Variants in PRKAR2B observed in about 807,000 individuals in gnomAD.
PRKAR2B encodes the protein cAMP-dependent protein kinase type II-beta regulatory subunit.
In PRKAR2B, 14 loss-of-function variants were observed where a neutral mutation model predicts 49.9. The ratio of observed to expected loss-of-function variants is 0.28; its 90% CI spans 0.19 to 0.44. PRKAR2B has a LOEUF of 0.44. PRKAR2B is among the 20% of genes least tolerant of loss of function. The pLI is 1.00. For missense variants in PRKAR2B, 393 were observed against 537.9 expected (o/e 0.73, Z 2.67); for synonymous variants, 196 against 197.7 (o/e 0.99, Z 0.07).
At chr7:107,153,691 A>G (rs1306262695) in intron 8 of PRKAR2B, among the ~76,000 whole-genome samples, 1 of 152,204 alleles carries the variant, frequency 6.6e-6, no homozygotes, top group East Asian at 1.9e-4. Flanking sequence ...CCAAGACTAC[A>G]TGTGGGTCAA....
At chr7:107,134,925 G>A (rs956724774) in intron 4 of PRKAR2B, among the ~76,000 whole-genome samples, 11 of 152,092 alleles carry the variant, frequency 7.2e-5, no homozygotes, top group Non-Finnish European at 1.0e-4. Flanking sequence ...CTTAGATTTA[G>A]CATTGGACTC....
intron 4 of PRKAR2B, chr7:107,129,036 C>T (rs996911641): frequency 6.6e-6 from 1 of 152,054 alleles, no homozygotes; most frequent in Admixed American, 6.6e-5. Flanking sequence ...TAACTTACCT[C>T]GACTTTTTTA....
intron 2 of PRKAR2B, among the ~76,000 whole-genome samples, chr7:107,117,518 T>C (rs972603606): frequency 1.3e-5 from 2 of 152,162 alleles, no homozygotes; most frequent in Non-Finnish European, 2.9e-5. Flanking sequence ...ACTGAGCGTC[T>C]AGAGTGTGCA....
intron 1 of PRKAR2B, among the ~76,000 whole-genome samples, chr7:107,065,332 G>A (rs1218149395): frequency 0.12 from 2,578 of 22,120 alleles, 93 homozygotes; most frequent in African/African-American, 0.4. Flanking sequence ...ATGTGTGTGT[G>A]TGTGTGTGTG....
At chr7:107,133,317 A>G (rs77555983) in intron 4 of PRKAR2B, among the ~76,000 whole-genome samples, 2,551 of 152,298 alleles carry the variant, frequency 0.017, 71 homozygotes, top group African/African-American at 0.057. Flanking sequence ...AAATGCAGCT[A>G]ATTCCAACAT....
chr7:107,072,130 G>A (rs969262914), intron 2 of PRKAR2B, among the ~76,000 whole-genome samples: 1 of 149,882 alleles, frequency 6.7e-6, no homozygotes, highest in Non-Finnish European at 1.5e-5. Context: ...TAATTGTAGA[G>A]ATGATGTAAT....
rs1353564965 is a variant in PRKAR2B, at chr7:107,044,934, G to C, written c.27G>C (p.Leu9=). The change falls in exon 1 of 11, where the codon CTG becomes CTC. Residue 9 remains leucine (L), a synonymous_variant. Coordinates refer to ENST00000265717, the MANE Select transcript of PRKAR2B (RefSeq NM_002736.3). MSIEIPAG[L]TELLQGFTVE... is the part of the protein sequence containing the mutation. The stretch of plus-strand genomic sequence containing the variant: ...TGAGCATCGAGATCCCGGCGGGACT[G>C]ACGGAGCTGCTGCAGGGCTTCACGG... 1.6e-5 allele frequency: 25 copies of C among 1,599,718 alleles called. No individual in the cohort carries two copies. The highest frequency in any genetic ancestry group is 2.1e-5 in the Non-Finnish European group (25 of 1,175,376).
chr7:107,055,448 A>G (rs566491189), intron 1 of PRKAR2B, among the ~76,000 whole-genome samples: 110 of 152,164 alleles, frequency 7.2e-4, no homozygotes, highest in Non-Finnish European at 1.1e-3. Context: ...AAGTGTTCCT[A>G]TTTCTCCACA....
At chr7:107,139,428 A>G (rs1388015562) in intron 4 of PRKAR2B, among the ~76,000 whole-genome samples, 1 of 152,188 alleles carries the variant, frequency 6.6e-6, no homozygotes, top group East Asian at 1.9e-4. Flanking sequence ...GAGGGTCCAC[A>G]TTTGGCTGCT....
intron 1 of PRKAR2B, among the ~76,000 whole-genome samples, chr7:107,049,844 A>G (rs376903198): frequency 3.3e-5 from 5 of 152,214 alleles, no homozygotes; most frequent in East Asian, 1.9e-4. Context: ...AGAGATTTAC[A>G]TGGTGGTTTT....
At chr7:107,050,822 C>T (rs1295967964) in intron 1 of PRKAR2B, among the ~76,000 whole-genome samples, 1 of 152,090 alleles carries the variant, frequency 6.6e-6, no homozygotes, top group African/African-American at 2.4e-5. Flanking sequence ...AGAAATGATT[C>T]GTCTTACATT....
At chr7:107,058,389 A>G (rs1176199514) in intron 1 of PRKAR2B, among the ~76,000 whole-genome samples, 1 of 152,220 alleles carries the variant, frequency 6.6e-6, no homozygotes, top group African/African-American at 2.4e-5. Context: ...TAATATTTAT[A>G]AAAGTAAGCT....
intron 10 of PRKAR2B, among the ~76,000 whole-genome samples, chr7:107,158,951 A>G (rs1432739160): frequency 6.6e-6 from 1 of 152,230 alleles, no homozygotes; most frequent in African/African-American, 2.4e-5. Context: ...GAAGTAAACA[A>G]AAGCATTATG....
At chr7:107,144,983 T>C (rs1795863643) in intron 5 of PRKAR2B, among the ~76,000 whole-genome samples, 1 of 152,088 alleles carries the variant, frequency 6.6e-6, no homozygotes, top group Non-Finnish European at 1.5e-5. Context: ...TACGTGAATA[T>C]AGGGTCTGGG....
At chr7:107,096,346 G>T (rs955241530) in intron 2 of PRKAR2B, among the ~76,000 whole-genome samples, 6 of 152,224 alleles carry the variant, frequency 3.9e-5, no homozygotes, top group African/African-American at 1.4e-4. Context: ...GATCGGTGGT[G>T]ATATCCCCTT....
At chr7:107,113,825 C>T (rs542361211) in intron 2 of PRKAR2B, among the ~76,000 whole-genome samples, 2 of 152,188 alleles carry the variant, frequency 1.3e-5, no homozygotes, top group African/African-American at 4.8e-5. Context: ...ACACTGGGAG[C>T]TAGAGGGGAC....
intron 5 of PRKAR2B, among the ~76,000 whole-genome samples, chr7:107,145,999 C>G (rs1377082061): frequency 6.6e-6 from 1 of 152,090 alleles, no homozygotes; most frequent in African/African-American, 2.4e-5. Context: ...CCTCAGCCTC[C>G]CAAAGTGCTG....
intron 1 of PRKAR2B, among the ~76,000 whole-genome samples, chr7:107,064,121 C>G (rs1034476544): frequency 1.3e-5 from 2 of 152,154 alleles, no homozygotes; most frequent in African/African-American, 4.8e-5. Flanking sequence ...GTTACTGCCT[C>G]AAATCTCTGT....
chr7:107,143,440 G>A (rs375625760), intron 5 of PRKAR2B, among the ~76,000 whole-genome samples: 6 of 152,208 alleles, frequency 3.9e-5, no homozygotes, highest in Admixed American at 1.3e-4. Context: ...AGCATTGTAG[G>A]TGGAGACTGC....
Sources: gnomAD v4.1 joint callset for allele counts (sites outside exome capture counted in the v4.1 genomes callset) on GRCh38, gnomAD v4.1.1 for gene constraint, MANE v1.5 for transcripts, NCBI Gene and HGNC (gene_info 2026-07-23, HGNC 2026-07-21) for gene names.